The following DYNC2I2 variants were observed in gnomAD, a reference collection of about 807,000 sequenced individuals.
The protein encoded by DYNC2I2 is cytoplasmic dynein 2 intermediate chain 2.
In DYNC2I2, 39 loss-of-function variants were observed where a neutral mutation model predicts 52.0. The observed-to-expected ratio is 0.75, with a 90% CI of 0.58 to 0.98. The LOEUF (loss-of-function observed/expected upper bound fraction) is 0.98, where lower values mean the gene tolerates loss of function less well. DYNC2I2 is among the 50% of genes least tolerant of loss of function. The probability of loss-of-function intolerance (pLI) is 0.00; values close to 1 mark genes in which losing one functional copy is unlikely to be tolerated. For synonymous variants in DYNC2I2, 359 were observed against 321.1 expected, an observed-to-expected ratio of 1.12 and a Z score of -1.26; for missense variants, 743 against 728.4, an observed-to-expected ratio of 1.02 and a Z score of -0.23.
intron 8 of DYNC2I2, 96 bp from the exon 9 acceptor site, chr9:128,634,078 C>A (rs1860290572): frequency 2.6e-6 from 4 of 1,552,658 alleles, no homozygotes; most frequent in Non-Finnish European, 3.5e-6. Context: ...CTGTTGTGTG[C>A]AGCCACAGTG....
At chr9:128,664,601 C>T in the DYNC2I2 span, among the ~76,000 whole-genome samples, 1 of 151,764 alleles carries the variant, frequency 6.6e-6, no homozygotes, top group Non-Finnish European at 1.5e-5. Flanking sequence ...TCTCCAGTCT[C>T]AGCCTCCCAA....
At chr9:128,671,054 C>T in the DYNC2I2 span, among the ~76,000 whole-genome samples, 19 of 120,098 alleles carry the variant, frequency 1.6e-4, no homozygotes, top group African/African-American at 5.8e-4. Flanking sequence ...GCAACAAAAG[C>T]GAAACTCCGT....
chr9:128,682,060 G>A, the DYNC2I2 span, among the ~76,000 whole-genome samples: 55 of 151,706 alleles, frequency 3.6e-4, no homozygotes, highest in African/African-American at 7.7e-4. Flanking sequence ...ATGACAGAGT[G>A]AGACTTTTTT....
At position 128,633,895 on chromosome 9, in the gene DYNC2I2, C is replaced by G. The variant is rs1039142797; in HGVS notation, c.1460G>C (p.Cys487Ser). 9.3e-6 allele frequency: 15 copies of G among 1,613,438 alleles called. No homozygotes were observed. The highest frequency in any genetic ancestry group is 1.2e-5 in the Non-Finnish European group (14 of 1,180,040). The change falls in exon 9 of 9, where the codon TGT becomes TCT. Residue 487 changes from cysteine (C) to serine (S), a missense_variant. Transcript: ENST00000372715. ...KQTQDESPVY[C>S]LEFNSQQTQL... ...AGTCTGCTGGCTGTTGAACTCCAGA[C>G]AGTAGACAGGGCTTTCATCCTGGGT... is the stretch of plus-strand genomic sequence containing the variant.
At chr9:128,683,854 G>A in the DYNC2I2 span, 1 of 1,504,748 alleles carries the variant, frequency 6.6e-7, no homozygotes, top group Non-Finnish European at 9.0e-7. Context: ...TTCCGGACGG[G>A]CGAGGAGACT....
upstream of DYNC2I2, among the ~76,000 whole-genome samples, chr9:128,660,919 G>A (rs1415230866): frequency 2.1e-5 from 3 of 145,174 alleles, no homozygotes; most frequent in Non-Finnish European, 3.0e-5. Flanking sequence ...TAGTAGAGAC[G>A]GGGTTTCACC....
chr9:128,684,247 A>C, the DYNC2I2 span, among the ~76,000 whole-genome samples: 49 of 152,030 alleles, frequency 3.2e-4, no homozygotes, highest in African/African-American at 1.1e-3. Flanking sequence ...TTGTCTCCCC[A>C]GCCCCCAAAC....
chr9:128,651,860 A>C (rs1860720101), intron 1 of DYNC2I2: 1 of 146,570 alleles, frequency 6.8e-6, no homozygotes, highest in South Asian at 2.1e-4. Flanking sequence ...GGTTGCAGTG[A>C]GCTGAGATAG....
At chr9:128,639,103 T>TA (rs551700306) in intron 2 of DYNC2I2, among the ~76,000 whole-genome samples, 2 of 151,812 alleles carry the variant, frequency 1.3e-5, no homozygotes, top group Non-Finnish European at 2.9e-5. Context: ...ACCCTAACTC[T>TA]AAAAAAATTT....
At chr9:128,664,260 A>G in the DYNC2I2 span, among the ~76,000 whole-genome samples, 1 of 150,102 alleles carries the variant, frequency 6.7e-6, no homozygotes, top group Non-Finnish European at 1.5e-5. Flanking sequence ...CCTGTTTAGC[A>G]TATCCTTCCC....
chr9:128,678,077 T>C, the DYNC2I2 span, among the ~76,000 whole-genome samples: 203 of 152,062 alleles, frequency 1.3e-3, 1 homozygote, highest in Middle Eastern at 3.4e-3. Flanking sequence ...CTTTTCTTTT[T>C]TTTTTTTTTG....
chr9:128,681,806 G>T, the DYNC2I2 span, among the ~76,000 whole-genome samples: 1 of 152,152 alleles, frequency 6.6e-6, no homozygotes, highest in African/African-American at 2.4e-5. Flanking sequence ...GGGTGCGGTG[G>T]CTCACACCTG....
chr9:128,673,804 C>CTTTTTTTT, the DYNC2I2 span, among the ~76,000 whole-genome samples: 1 of 141,618 alleles, frequency 7.1e-6, no homozygotes, highest in African/African-American at 2.9e-5. Flanking sequence ...CCGCACCCAG[C>CTTTTTTTT]TATTTTTTTT....
intron 8 of DYNC2I2, 37 bp from the exon 9 acceptor site, chr9:128,634,019 T>TAG (rs746027373): frequency 6.2e-7 from 1 of 1,607,304 alleles, no homozygotes; most frequent in South Asian, 1.1e-5. Flanking sequence ...TAAGAGAAAC[T>TAG]CTAGAGACCA....
chr9:128,680,878 G>A, the DYNC2I2 span, among the ~76,000 whole-genome samples: 1 of 151,678 alleles, frequency 6.6e-6, no homozygotes, highest in African/African-American at 2.4e-5. Flanking sequence ...GTTTCATCAT[G>A]TTGGCTGGGT....
At chr9:128,678,075 T>TTC in the DYNC2I2 span, among the ~76,000 whole-genome samples, 1 of 151,046 alleles carries the variant, frequency 6.6e-6, no homozygotes, top group African/African-American at 2.4e-5. Context: ...TTCTTTTCTT[T>TTC]TTTTTTTTTT....
the DYNC2I2 span, among the ~76,000 whole-genome samples, chr9:128,666,933 G>A: frequency 6.6e-6 from 1 of 152,064 alleles, no homozygotes; most frequent in South Asian, 2.1e-4. Flanking sequence ...AGGCGCGGTG[G>A]CTCACTCCTG....
At chr9:128,655,522 AAAAG>A (rs1589437996) in intron 1 of DYNC2I2, among the ~76,000 whole-genome samples, 1 of 149,438 alleles carries the variant, frequency 6.7e-6, no homozygotes, top group East Asian at 2.0e-4. Context: ...AAAAAAAAAA[AAAAG>A]AGAAAGAAAC....
intron 1 of DYNC2I2, among the ~76,000 whole-genome samples, chr9:128,648,809 AAAAAG>A (rs936840735): frequency 5.4e-5 from 8 of 149,188 alleles, no homozygotes; most frequent in African/African-American, 1.7e-4. Context: ...CAAAAAAAAA[AAAAAG>A]AGAGAGAGAA....
Sources: allele counts gnomAD v4.1 joint callset (sites outside exome capture counted in the v4.1 genomes callset), GRCh38; gene constraint gnomAD v4.1.1; transcripts MANE v1.5; gene names NCBI Gene and HGNC (gene_info 2026-07-23, HGNC 2026-07-21).